PDK2: variants seen among roughly 807,000 people sequenced by gnomAD.
The protein encoded by PDK2 is pyruvate dehydrogenase kinase 2.
A neutral mutation model predicts 50.4 loss-of-function variants in PDK2; 34 were observed. The ratio of observed to expected loss-of-function variants is 0.68; its 90% CI spans 0.51 to 0.90. The LOEUF is 0.90. Ranked by LOEUF, PDK2 falls within the 40% of genes least tolerant of loss-of-function variation. PDK2 has a pLI of 0.00. For synonymous variants in PDK2, 232 were observed against 216.0 expected (o/e 1.07, Z -0.65); for missense variants, 377 against 544.5 (o/e 0.69, Z 3.06).
Position 50,108,136 on chromosome 17 carries a change from G to A in PDK2, c.686-20G>A. The A allele has an allele frequency of 6.3e-7, 1 of 1,575,920 alleles. No individual in the cohort carries two copies. ...ACCTCCTGACGGTTTCCTGACCCTT[G>A]GTCTTGACTTGCCCTGTAGCAGCCA... On this transcript the variant is annotated intron_variant, in intron 6 of 10. Coordinates refer to ENST00000503176, the MANE Select transcript of PDK2 (RefSeq NM_002611.5).
Position 50,109,843 on chromosome 17 carries a change from T to C in PDK2, c.1084-114T>C. On this transcript the variant is annotated intron_variant, in intron 10 of 10. Coordinates refer to ENST00000503176, the MANE Select transcript of PDK2 (RefSeq NM_002611.5). The surrounding 1 kb of genome is among the most constrained non-coding windows in gnomAD (Gnocchi z 5.0). ...CAGGAGGGACCACCCTTTTGTGGTC[T>C]TTCCAGGCCCCCGTGTCTGGCAGCT... The C allele has an allele frequency of 8.2e-7, 1 of 1,226,940 alleles. No homozygotes were observed. The highest frequency in any genetic ancestry group is 1.9e-5 in the South Asian group (1 of 53,544). 76.0% of individuals were successfully genotyped at this position (1,226,940 alleles called of 1,614,324 possible). A position where few individuals can be genotyped will look rare whatever the true frequency, so the allele number is the denominator to read the frequency against.
rs143084640 is a variant in PDK2 at position 50,101,581 on chromosome 17, G to A, written c.261-3790G>A. Reference sequence around the variant, plus strand: ...ATACGAGTGCACAGGGCACACCCTCGCACACACCCACAGGCATGCACATGC... The same window carrying A: ...ATACGAGTGCACAGGGCACACCCTCACACACACCCACAGGCATGCACATGC... On this transcript the variant is annotated intron_variant, in intron 2 of 10. Coordinates refer to ENST00000503176, the MANE Select transcript of PDK2 (RefSeq NM_002611.5). The surrounding 1 kb of genome is among the most constrained non-coding windows in gnomAD (Gnocchi z 4.2). Among the ~76,000 whole-genome samples, 66 of 151,604 alleles carry A rather than the reference G, an allele frequency of 4.4e-4. No individual in the cohort carries two copies. Among genetic ancestry groups the A allele is most frequent in the Middle Eastern group, 6.8e-3 (2 of 294 alleles).
rs925831730 is a variant in PDK2, at chr17:50,109,811, C to T, written c.1084-146C>T. ...AGCTGCTTGCTTGAATGGGCAGGAG[C>T]GGGACACAGGAGGGACCACCCTTTT... On this transcript the variant is annotated intron_variant, in intron 10 of 10. Transcript: ENST00000503176. This position sits in a 1 kb window ranked among gnomAD's most constrained non-coding sequence, Gnocchi z 5.0. 2 of 847,586 alleles carry T rather than the reference C, an allele frequency of 2.4e-6. No individual in the cohort carries two copies. Among genetic ancestry groups the T allele is most frequent in the African/African-American group, 1.7e-5 (1 of 58,536 alleles). The allele number at this position is 847,586 out of a possible 1,614,324, so 52.5% of individuals were successfully genotyped here. A position where few individuals can be genotyped will look rare whatever the true frequency, so the allele number is the denominator to read the frequency against.
At chr17:50,100,481 G>T (rs751237412) in intron 2 of PDK2, among the ~76,000 whole-genome samples, 3 of 152,182 alleles carry the variant, frequency 2.0e-5, no homozygotes, top group Non-Finnish European at 2.9e-5. Flanking sequence ...AGGGCCAAAG[G>T]CCAGTGCTAG....
rs1165011062 is a variant in PDK2 at position 50,108,156 on chromosome 17, C to T, written c.686C>T (p.Ala229Val). ...CCCTTGGTCTTGACTTGCCCTGTAG[C>T]AGCCAACTCCAAACAGCCGATTCAC... The part of the protein sequence containing the change: ...SPDLEIQEIN[A>V]ANSKQPIHMV... The change falls in exon 7 of 11, where the codon GCA (alanine) becomes GTA (valine). Residue 229 changes from alanine (A) to valine (V), a missense_variant and splice_region_variant. Physicochemically the swap from Ala to Val is moderately conservative, Grantham distance 64. Around this residue, in one of 3 missense-constraint regions of PDK2, gnomAD observed 214 missense variants for 294.0 expected, o/e 0.73. Transcript: ENST00000503176. 2.5e-6 allele frequency: 4 copies of T among 1,589,312 alleles called. No homozygotes were observed. The highest frequency in any genetic ancestry group is 3.4e-6 in the Non-Finnish European group (4 of 1,166,146).
Position 50,111,128 on chromosome 17 carries a change from C to G in PDK2, c.*1031C>G, listed in dbSNP as rs117918744. On this transcript the variant is annotated 3_prime_UTR_variant, in exon 11 of 11. Coordinates refer to ENST00000503176, the MANE Select transcript of PDK2 (RefSeq NM_002611.5). ...ACGTACACACGCACACTGCGGTGCCCTGTGACCACCACATGACGCACCGGG... is the reference window on the plus strand; with the variant it reads ...ACGTACACACGCACACTGCGGTGCCGTGTGACCACCACATGACGCACCGGG... The G allele has an allele frequency of 3.9e-5, 6 of 152,344 alleles. No homozygotes were observed. Among genetic ancestry groups the G allele is most frequent in the Admixed American group, 1.3e-4 (2 of 15,288 alleles). 9.4% of individuals were successfully genotyped at this position (152,344 alleles called of 1,614,324 possible).
chr17:50,095,419 T>G lies in PDK2; in HGVS notation c.-17T>G. 1 of 1,583,202 alleles carries G rather than the reference T, an allele frequency of 6.3e-7. No individual in the cohort carries two copies. The highest frequency in any genetic ancestry group is 8.6e-7 in the Non-Finnish European group (1 of 1,161,438). Reference sequence around the variant, plus strand: ...GCCCGCGCGGGGACCACAACCAAAGTCGCGGCCGCCGCAGCCATGCGCTGG... The same window carrying G: ...GCCCGCGCGGGGACCACAACCAAAGGCGCGGCCGCCGCAGCCATGCGCTGG... On this transcript the variant is annotated 5_prime_UTR_variant, in exon 1 of 11. Coordinates refer to ENST00000503176, the MANE Select transcript of PDK2 (RefSeq NM_002611.5).
chr17:50,109,952 C>T lies in PDK2; in HGVS notation c.1084-5C>T, dbSNP rs1055315284. On this transcript the variant is annotated splice_region_variant and splice_polypyrimidine_tract_variant and intron_variant, in intron 10 of 10. Transcript: ENST00000503176. This position sits in a 1 kb window ranked among gnomAD's most constrained non-coding sequence, Gnocchi z 5.0. ...GTGGGAGGGGCTGACCCTGACACTC[C>T]CCAGGCCCTGTCCACGGACTCGGTG... 1 of 1,552,952 alleles carries T rather than the reference C, an allele frequency of 6.4e-7. No individual in the cohort carries two copies.
chr17:50,106,037 G>GC lies in PDK2; in HGVS notation c.486dup (p.Ile163HisfsTer15). ...TTCCTGGACCGCTTCTACCTCAGCC[G>GC]CATCTCCATCCGCATGCTCATCAAC... On this transcript the variant is annotated frameshift_variant, in exon 4 of 11. Coordinates refer to ENST00000503176, the MANE Select transcript of PDK2 (RefSeq NM_002611.5). LOFTEE classifies it high-confidence loss of function. 1 of 1,607,522 alleles carries GC rather than the reference G, an allele frequency of 6.2e-7. No individual in the cohort carries two copies. Among genetic ancestry groups the GC allele is most frequent in the Non-Finnish European group, 8.5e-7 (1 of 1,177,070 alleles).
intron 2 of PDK2, among the ~76,000 whole-genome samples, chr17:50,099,610 G>A (rs972268403): frequency 5.9e-5 from 9 of 152,058 alleles, no homozygotes; most frequent in Admixed American, 2.0e-4. Context: ...TGGCTAACAC[G>A]GTGAAACTCC....
chr17:50,104,045 C>G (rs369924268), intron 2 of PDK2, among the ~76,000 whole-genome samples: 7 of 152,280 alleles, frequency 4.6e-5, no homozygotes, highest in Middle Eastern at 3.4e-3. Flanking sequence ...TAGCGCCCCC[C>G]CTTCCTCCTG....
At chr17:50,104,731 G>A (rs1431087804) in intron 2 of PDK2, among the ~76,000 whole-genome samples, 1 of 152,182 alleles carries the variant, frequency 6.6e-6, no homozygotes, top group Non-Finnish European at 1.5e-5. Flanking sequence ...GCCCCACCTG[G>A]GGACAGAGCC....
At position 50,109,393 on chromosome 17, in the gene PDK2, A is replaced by G. The variant is rs199817074; in HGVS notation, c.1076A>G (p.Tyr359Cys). The G allele has an allele frequency of 4.0e-5, 65 of 1,605,200 alleles. 1 individual carries two copies. In the Middle Eastern group the frequency reaches 1.2e-3, roughly 29 times the overall value. ...MEGFGTDAVI[Y>C]LKALSTDSVE... ...GGCTTTGGGACCGATGCTGTCATCT[A>G]TCTCAAGGTGAGGGCCCTTCCCGCA... is the stretch of plus-strand genomic sequence containing the variant. Residue 359 changes from tyrosine (Y) to cysteine (C), a missense_variant, in exon 10 of 11, where the codon TAT becomes TGT. By Grantham distance (194) the Tyr-to-Cys change is radical (BLOSUM62 -2). This residue lies in a region of PDK2 where 214 missense variants were observed against 294.0 expected (regional missense o/e 0.73). Transcript: ENST00000503176. This position sits in a 1 kb window ranked among gnomAD's most constrained non-coding sequence, Gnocchi z 5.0.
At chr17:50,104,337 GCCTCCCA>G (rs1192549769) in intron 2 of PDK2, 1 of 152,398 alleles carries the variant, frequency 6.6e-6, no homozygotes, top group Non-Finnish European at 1.5e-5. Context: ...TGCAACCATT[GCCTCCCA>G]GGTTCAAGCG....
Position 50,095,568 on chromosome 17 carries a change from G to A in PDK2, c.118+15G>A, listed in dbSNP as rs1313291015. 5 of 1,585,656 alleles carry A rather than the reference G, an allele frequency of 3.2e-6. No individual in the cohort carries two copies. The highest frequency in any genetic ancestry group is 4.3e-6 in the Non-Finnish European group (5 of 1,162,670). ...TCTGGACTTCGGTACGGAGTGGGCG[G>A]GAGGCGGCTGGCAGCGGAGGCCGGC... is the stretch of plus-strand genomic sequence containing the variant. On this transcript the variant is annotated intron_variant, in intron 1 of 10. Coordinates refer to ENST00000503176, the MANE Select transcript of PDK2 (RefSeq NM_002611.5).
intron 2 of PDK2, among the ~76,000 whole-genome samples, chr17:50,099,510 T>C (rs1447394450): frequency 6.6e-6 from 1 of 152,240 alleles, no homozygotes; most frequent in Non-Finnish European, 1.5e-5. Flanking sequence ...GGATTCAGCT[T>C]AGGCCGGGCG....
intron 1 of PDK2, 116 bp downstream of exon 1, chr17:50,095,669 T>G: frequency 6.7e-7 from 1 of 1,482,882 alleles, no homozygotes; most frequent in East Asian, 2.5e-5. Context: ...GAAGGGTTGT[T>G]TGGAAAGGTA....
At position 50,111,508 on chromosome 17, in the gene PDK2, C is replaced by T. The variant is rs538275405; in HGVS notation, c.*1411C>T. On this transcript the variant is annotated 3_prime_UTR_variant, in exon 11 of 11. Transcript: ENST00000503176. ...TCCCTCCGAAGCCCCTCTCCCAGCA[C>T]AGATAGCAGAGGGGGGATAAGGGCT... 1.5e-4 allele frequency: 23 copies of T among 152,398 alleles called. No homozygotes were observed. Among genetic ancestry groups the T allele is most frequent in the African/African-American group, 5.5e-4 (23 of 41,558 alleles). 9.4% of individuals were successfully genotyped at this position (152,398 alleles called of 1,614,324 possible).
At chr17:50,103,813 C>T (rs971564407) in intron 2 of PDK2, among the ~76,000 whole-genome samples, 2 of 152,176 alleles carry the variant, frequency 1.3e-5, no homozygotes, top group Admixed American at 1.3e-4. Context: ...GTGGCAAGAG[C>T]GCTGGAGACT....
Sources: gnomAD v4.1 joint callset for allele counts (sites outside exome capture counted in the v4.1 genomes callset) on GRCh38, gnomAD v4.1.1 for gene constraint, gnomAD v4.1.1 regional missense constraint, Gnocchi (gnomAD v3.1) non-coding constraint, MANE v1.5 for transcripts, NCBI Gene and HGNC (gene_info 2026-07-23, HGNC 2026-07-21) for gene names.